The following SLC35F3 variants were observed in gnomAD, a reference collection of about 807,000 sequenced individuals.
SLC35F3 encodes the protein putative thiamine transporter SLC35F3.
In SLC35F3, 25 loss-of-function variants were observed where a neutral mutation model predicts 49.9. The observed-to-expected ratio is 0.50, with a 90% confidence interval of 0.37 to 0.70. SLC35F3 has a LOEUF of 0.70. Ranked by LOEUF, SLC35F3 falls within the 30% of genes least tolerant of loss-of-function variation. The pLI is 0.00. For synonymous variants in SLC35F3, 275 were observed against 265.4 expected (o/e 1.04, Z -0.35); for missense variants, 525 against 639.8 (o/e 0.82, Z 1.94).
chr1:234,054,717 C>G (rs112894879), intron 2 of SLC35F3, among the ~76,000 whole-genome samples: 2 of 152,160 alleles, frequency 1.3e-5, no homozygotes, highest in Non-Finnish European at 2.9e-5. Context: ...GGAGAAGAGG[C>G]GCTCTGATTT....
chr1:233,904,981 C>T lies in SLC35F3; in HGVS notation c.-97C>T. 2.2e-6 allele frequency: 3 copies of T among 1,361,522 alleles called. No homozygotes were observed. The highest frequency in any genetic ancestry group is 3.0e-6 in the Non-Finnish European group (3 of 987,902). The allele number at this position is 1,361,522 out of a possible 1,614,324, so 84.3% of individuals were successfully genotyped here. ...CGGCGCAGACCCTCGGTGGGCAGCG[C>T]ACTCCAGTCTTCCCAGGCTAGCGGC... On this transcript the variant is annotated 5_prime_UTR_variant, in exon 1 of 8. Coordinates refer to ENST00000366618, the MANE Select transcript of SLC35F3 (RefSeq NM_173508.4).
intron 2 of SLC35F3, among the ~76,000 whole-genome samples, chr1:234,169,744 TC>T (rs1197355597): frequency 6.6e-6 from 1 of 152,140 alleles, no homozygotes; most frequent in Non-Finnish European, 1.5e-5. Context: ...TGCACATTCT[TC>T]CCAGGGGAAC....
At chr1:234,124,839 A>G (rs1341469701) in intron 2 of SLC35F3, among the ~76,000 whole-genome samples, 1 of 147,550 alleles carries the variant, frequency 6.8e-6, no homozygotes, top group Non-Finnish European at 1.5e-5. Flanking sequence ...GAAAGACTCC[A>G]TCTCTTTAAA....
rs1283698866 is a variant in SLC35F3, at chr1:234,220,207, C to T, written c.284-11210C>T. ...ATCAGTCGCAATAAGTATTTCTTAT[C>T]AAAGGAATTAGAATAGAATAAAAAC... On this transcript the variant is annotated intron_variant, in intron 2 of 7. Coordinates refer to ENST00000366618, the MANE Select transcript of SLC35F3 (RefSeq NM_173508.4). Among the ~76,000 whole-genome samples, 4 of 148,676 alleles carry T rather than the reference C, an allele frequency of 2.7e-5. No individual in the cohort carries two copies. In the East Asian group the frequency reaches 7.7e-4, roughly 29 times the overall value.
At chr1:233,955,004 C>T (rs964236838) in intron 2 of SLC35F3, among the ~76,000 whole-genome samples, 4 of 151,954 alleles carry the variant, frequency 2.6e-5, no homozygotes, top group South Asian at 2.1e-4. Context: ...CCACCACGCC[C>T]GGCTAATTTT....
At chr1:233,911,708 A>G (rs1037200841) in intron 2 of SLC35F3, among the ~76,000 whole-genome samples, 1 of 152,194 alleles carries the variant, frequency 6.6e-6, no homozygotes, top group Non-Finnish European at 1.5e-5. Flanking sequence ...AGCATTTACT[A>G]TGTGCCAGAA....
chr1:234,221,239 T>C (rs192254317), intron 2 of SLC35F3, among the ~76,000 whole-genome samples: 34 of 151,914 alleles, frequency 2.2e-4, no homozygotes, highest in Non-Finnish European at 4.7e-4. Flanking sequence ...TGTTTGACAG[T>C]GAGGGAAGTT....
At chr1:234,087,164 G>C (rs2102875402) in intron 2 of SLC35F3, among the ~76,000 whole-genome samples, 1 of 152,266 alleles carries the variant, frequency 6.6e-6, no homozygotes, top group Middle Eastern at 3.4e-3. Context: ...CCAAGCCTTT[G>C]GTGTGTGCCA....
chr1:234,237,972 G>A (rs1332630374), intron 3 of SLC35F3, among the ~76,000 whole-genome samples: 1 of 152,138 alleles, frequency 6.6e-6, no homozygotes, highest in Non-Finnish European at 1.5e-5. Flanking sequence ...CCAAAGTGCT[G>A]GGATTAAAGG....
In SLC35F3 at chr1:233,971,245, A is replaced by T. The variant is rs978201831; in HGVS notation, c.283+65487A>T. Among the ~76,000 whole-genome samples, 9 of 152,374 alleles carry T rather than the reference A, an allele frequency of 5.9e-5. No homozygotes were observed. The South Asian group carries it at 1.9e-3, about 32-fold the overall frequency. On this transcript the variant is annotated intron_variant, in intron 2 of 7. Coordinates refer to ENST00000366618, the MANE Select transcript of SLC35F3 (RefSeq NM_173508.4). Reference sequence around the variant, plus strand: ...GCCCAGAAGGGAGAGGCCCCTTTCCAGACCCACTTCATCACAGTTCCCTCC... The same window carrying T: ...GCCCAGAAGGGAGAGGCCCCTTTCCTGACCCACTTCATCACAGTTCCCTCC...
intron 2 of SLC35F3, among the ~76,000 whole-genome samples, chr1:234,029,234 C>T (rs150304877): frequency 2.8e-4 from 43 of 152,136 alleles, no homozygotes; most frequent in African/African-American, 9.6e-4. Context: ...AACAGAGAGA[C>T]GATGTAGACA....
intron 2 of SLC35F3, among the ~76,000 whole-genome samples, chr1:234,225,418 T>C (rs1371487700): frequency 6.6e-6 from 1 of 152,090 alleles, no homozygotes; most frequent in Admixed American, 6.5e-5. Flanking sequence ...AATGGGAAAG[T>C]TTTCATCAGA....
chr1:234,139,485 A>G (rs1030022762), intron 2 of SLC35F3, among the ~76,000 whole-genome samples: 6 of 152,200 alleles, frequency 3.9e-5, no homozygotes, highest in Admixed American at 3.9e-4. Flanking sequence ...ATGAAAATGT[A>G]ATATGGGACA....
chr1:233,927,363 AT>A (rs549186212), intron 2 of SLC35F3, among the ~76,000 whole-genome samples: 1 of 152,170 alleles, frequency 6.6e-6, no homozygotes, highest in Non-Finnish European at 1.5e-5. Context: ...CCATAAGAAA[AT>A]TTTTACATTT....
intron 2 of SLC35F3, among the ~76,000 whole-genome samples, chr1:234,101,622 G>C (rs1052792584): frequency 2.1e-4 from 32 of 152,322 alleles, no homozygotes; most frequent in African/African-American, 6.5e-4. Flanking sequence ...AAAAATGTTG[G>C]TTATTTTCCT....
intron 2 of SLC35F3, among the ~76,000 whole-genome samples, chr1:234,185,513 C>G (rs1666629990): frequency 6.6e-6 from 1 of 152,138 alleles, no homozygotes; most frequent in African/African-American, 2.4e-5. Flanking sequence ...TGTGTAGTAC[C>G]TAAGGCATTA....
chr1:234,300,493 T>C (rs1461982849), intron 3 of SLC35F3, among the ~76,000 whole-genome samples: 2 of 152,258 alleles, frequency 1.3e-5, no homozygotes, highest in Non-Finnish European at 2.9e-5. Flanking sequence ...ACATGTATTA[T>C]ATGCTAGGCT....
chr1:233,942,783 G>A (rs1258999728), intron 2 of SLC35F3, among the ~76,000 whole-genome samples: 1 of 152,164 alleles, frequency 6.6e-6, no homozygotes, highest in African/African-American at 2.4e-5. Context: ...ATGTTGTACA[G>A]CAGATCTAGA....
At chr1:234,054,009 T>C (rs1206465592) in intron 2 of SLC35F3, among the ~76,000 whole-genome samples, 2 of 152,156 alleles carry the variant, frequency 1.3e-5, no homozygotes, top group Admixed American at 1.3e-4. Context: ...GCTGAGAGAT[T>C]TGCTGTTAGT....
Sources: gnomAD v4.1 joint callset for allele counts (sites outside exome capture counted in the v4.1 genomes callset) on GRCh38, gnomAD v4.1.1 for gene constraint, MANE v1.5 for transcripts, NCBI Gene and HGNC (gene_info 2026-07-23, HGNC 2026-07-21) for gene names.